Variants in DLEC1 observed in about 807,000 individuals in gnomAD.
DLEC1 encodes deleted in lung and esophageal cancer protein 1.
Under a neutral mutation model 198.1 loss-of-function variants are expected in DLEC1, and 146 were observed. The observed-to-expected ratio is 0.74, with a 90% CI of 0.64 to 0.85. The LOEUF is 0.85. Ranked by LOEUF, DLEC1 falls within the 40% of genes least tolerant of loss-of-function variation. The pLI is 0.00. For synonymous variants in DLEC1, 897 were observed against 866.8 expected, an observed-to-expected ratio of 1.03 and a Z score of -0.61; for missense variants, 2,233 against 2,220.0, an observed-to-expected ratio of 1.01 and a Z score of -0.12.
chr3:38,072,855 TA>T (rs1280371294), intron 6 of DLEC1, among the ~76,000 whole-genome samples: 1 of 152,084 alleles, frequency 6.6e-6, no homozygotes, highest in African/African-American at 2.4e-5. Flanking sequence ...AGATACCTGA[TA>T]TCCTTTGGAG....
chr3:38,121,916 A>C (rs1307880016), intron 35 of DLEC1, 135 bp downstream of exon 35: 28 of 1,506,998 alleles, frequency 1.9e-5, no homozygotes, highest in Non-Finnish European at 2.5e-5. Flanking sequence ...ATTTCTGCAG[A>C]GCAGCCAGTC....
Position 38,122,294 on chromosome 3 carries a change from G to A in DLEC1, c.5150G>A (p.Ser1717Asn), listed in dbSNP as rs151322214. ...ALQVFFTARS[S>N]ELYESTMVVE... ...CCCCCACATGCTCCCCACAGGAGTA[G>A]TGAGCTGTACGAGTCCACGATGGTG... The change falls in exon 37 of 37, where the codon AGT becomes AAT. Residue 1717 changes from serine to asparagine, a missense_variant. Coordinates refer to ENST00000308059, the MANE Select transcript of DLEC1 (RefSeq NM_007335.4). The A allele has an allele frequency of 4.1e-3, 6,689 of 1,612,412 alleles. 26 individuals are homozygous for A. Among genetic ancestry groups the A allele is most frequent in the Non-Finnish European group, 5.3e-3 (6,278 of 1,178,886 alleles).
intron 6 of DLEC1, among the ~76,000 whole-genome samples, chr3:38,066,252 G>T (rs1448930965): frequency 6.6e-6 from 1 of 152,138 alleles, no homozygotes; most frequent in Non-Finnish European, 1.5e-5. Flanking sequence ...CTATTGTCCA[G>T]ATCCATTTTT....
chr3:38,102,003 G>C (rs976924528), intron 19 of DLEC1, among the ~76,000 whole-genome samples: 2 of 152,194 alleles, frequency 1.3e-5, no homozygotes, highest in Non-Finnish European at 2.9e-5. Flanking sequence ...AAAAGAGGAA[G>C]CATTGGCTCA....
intron 6 of DLEC1, among the ~76,000 whole-genome samples, chr3:38,076,878 G>T (rs989888842): frequency 6.6e-6 from 1 of 152,218 alleles, no homozygotes; most frequent in Non-Finnish European, 1.5e-5. Flanking sequence ...TAGGGGCAGC[G>T]TGGGAACCTA....
intron 19 of DLEC1, among the ~76,000 whole-genome samples, chr3:38,101,556 A>G (rs1699307228): frequency 6.6e-6 from 1 of 152,092 alleles, no homozygotes; most frequent in Non-Finnish European, 1.5e-5. Context: ...TTTTGCATAT[A>G]TTTGGTGTTT....
In DLEC1 at chr3:38,122,157, C is replaced by G. The variant is rs374490937; in HGVS notation, c.5107C>G (p.Pro1703Ala). 283 of 1,614,134 alleles carry G rather than the reference C, an allele frequency of 1.8e-4. 1 individual carries two copies. The highest frequency in any genetic ancestry group is 2.2e-4 in the Non-Finnish European group (261 of 1,179,986). The change falls in exon 36 of 37, where the codon CCA (proline) becomes GCA (alanine). Residue 1703 changes from proline (P) to alanine (A), a missense_variant. By Grantham distance (27) the Pro-to-Ala change is conservative. Coordinates refer to ENST00000308059, the MANE Select transcript of DLEC1 (RefSeq NM_007335.4). ...LLEARSANAP[P>A]TSIALQVFFT... ...AGAAGCACGATCCGCCAATGCACCCCCAACCTCCATCGCCTTGCAGGTTTT... is the reference window on the plus strand; with the variant it reads ...AGAAGCACGATCCGCCAATGCACCCGCAACCTCCATCGCCTTGCAGGTTTT...
At position 38,122,285 on chromosome 3, in the gene DLEC1, A is replaced by C. The variant is rs747808358; in HGVS notation, c.5145-4A>C. The C allele has an allele frequency of 6.2e-7, 1 of 1,610,584 alleles. No homozygotes were observed. ...TAACCTCAGCCCCCACATGCTCCCC[A>C]CAGGAGTAGTGAGCTGTACGAGTCC... is the stretch of plus-strand genomic sequence containing the variant. On this transcript the variant is annotated splice_region_variant and splice_polypyrimidine_tract_variant and intron_variant, in intron 36 of 36. Coordinates refer to ENST00000308059, the MANE Select transcript of DLEC1 (RefSeq NM_007335.4).
intron 21 of DLEC1, 94 bp from the exon 22 acceptor site, chr3:38,109,338 G>T (rs929057583): frequency 2.0e-6 from 3 of 1,536,084 alleles, no homozygotes; most frequent in Non-Finnish European, 2.6e-6. Flanking sequence ...AGAGGTCAAG[G>T]CTCCACAGCA....
chr3:38,120,492 G>A lies in DLEC1; in HGVS notation c.4749G>A (p.Gln1583=). 1.9e-6 allele frequency: 3 copies of A among 1,614,242 alleles called. No homozygotes were observed. The highest frequency in any genetic ancestry group is 2.5e-6 in the Non-Finnish European group (3 of 1,180,036). Residue 1583 remains glutamine (Q), a synonymous_variant, in exon 34 of 37, where the codon CAG becomes CAA. Coordinates refer to ENST00000308059, the MANE Select transcript of DLEC1 (RefSeq NM_007335.4). ...FSLSLELLSY[Q]KLPADQTLPG... Reference sequence around the variant, plus strand: ...TCTCCCTGGAGCTGCTCTCCTATCAGAAGCTCCCAGCTGACCAGACACTGC... The same window carrying A: ...TCTCCCTGGAGCTGCTCTCCTATCAAAAGCTCCCAGCTGACCAGACACTGC...
rs563446786 is a variant in DLEC1, at chr3:38,041,268, T to C, written c.411+1632T>C. Among the ~76,000 whole-genome samples, 16 of 151,954 alleles carry C rather than the reference T, an allele frequency of 1.1e-4. No homozygotes were observed. The South Asian group carries it at 3.1e-3, about 30-fold the overall frequency. ...CTGCCCACCTTGGCCTCCCAAAGTGTTGGGATTACAGGCATGAGCCACCAC... is the reference window on the plus strand; with the variant it reads ...CTGCCCACCTTGGCCTCCCAAAGTGCTGGGATTACAGGCATGAGCCACCAC... On this transcript the variant is annotated intron_variant, in intron 1 of 36. Coordinates refer to ENST00000308059, the MANE Select transcript of DLEC1 (RefSeq NM_007335.4).
chr3:38,097,791 C>T lies in DLEC1; in HGVS notation c.2613C>T (p.Leu871=), dbSNP rs190082830. ...INVSALQFGL[L]RLGQKATNSI... is the part of the protein sequence containing the mutation. ...TCTCAGCCCTTCAGTTTGGTCTGCT[C>T]CGCCTGGGGCAGAAAGCCACAAACT... Residue 871 remains leucine (L), a synonymous_variant, in exon 18 of 37, where the codon CTC becomes CTT. Coordinates refer to ENST00000308059, the MANE Select transcript of DLEC1 (RefSeq NM_007335.4). 8.0e-3 allele frequency: 12,844 copies of T among 1,614,150 alleles called. 68 individuals carry two copies. The highest frequency in any genetic ancestry group is 0.01 in the Non-Finnish European group (11,851 of 1,180,020).
At chr3:38,118,105 A>C in intron 33 of DLEC1, 81 bp downstream of exon 33, 6 of 1,471,840 alleles carry the variant, frequency 4.1e-6, no homozygotes, top group Non-Finnish European at 5.5e-6. Context: ...CGCCACCCTC[A>C]GGTGCTTGTA....
chr3:38,091,899 G>A (rs1264641999), intron 10 of DLEC1, among the ~76,000 whole-genome samples: 3 of 152,320 alleles, frequency 2.0e-5, no homozygotes, highest in Non-Finnish European at 4.4e-5. Context: ...GCCCGCTGTT[G>A]ATGGGAATGT....
intron 3 of DLEC1, among the ~76,000 whole-genome samples, chr3:38,061,511 A>G (rs1696685540): frequency 6.6e-6 from 1 of 152,144 alleles, no homozygotes; most frequent in Non-Finnish European, 1.5e-5. Context: ...AACAGTGTAA[A>G]AAGCTCATAC....
intron 2 of DLEC1, among the ~76,000 whole-genome samples, chr3:38,050,099 C>T (rs539317916): frequency 6.6e-6 from 1 of 151,420 alleles, no homozygotes; most frequent in Non-Finnish European, 1.5e-5. Flanking sequence ...GACAGGGTCT[C>T]GCTTCATCAC....
rs182227149 is a variant in DLEC1, at chr3:38,084,061, C to A, written c.1174-97C>A. 515 of 1,233,160 alleles carry A rather than the reference C, an allele frequency of 4.2e-4. 4 individuals carry two copies. The highest frequency in any genetic ancestry group is 3.2e-3 in the East Asian group (127 of 39,576). The allele number at this position is 1,233,160 out of a possible 1,614,324, so 76.4% of individuals were successfully genotyped here. On this transcript the variant is annotated intron_variant, in intron 6 of 36. Transcript: ENST00000308059. Reference sequence around the variant, plus strand: ...TGTGGCCAAGCCTATTTCATTTCTACCTCTACCCCCTTCTCATATTAGAGT... The same window carrying A: ...TGTGGCCAAGCCTATTTCATTTCTAACTCTACCCCCTTCTCATATTAGAGT...
intron 24 of DLEC1, 58 bp downstream of exon 24, chr3:38,111,805 C>T (rs936671482): frequency 3.7e-5 from 58 of 1,573,328 alleles, no homozygotes; most frequent in Non-Finnish European, 4.9e-5. Context: ...CCACAGCCTT[C>T]TGTGGATGTG....
intron 2 of DLEC1, among the ~76,000 whole-genome samples, chr3:38,047,715 T>C (rs1478784308): frequency 2.6e-5 from 4 of 152,084 alleles, no homozygotes; most frequent in African/African-American, 9.7e-5. Context: ...GGTGATGCTG[T>C]GTGTTTCCCT....
Sources: gnomAD v4.1 joint callset for allele counts (sites outside exome capture counted in the v4.1 genomes callset) on GRCh38, gnomAD v4.1.1 for gene constraint, MANE v1.5 for transcripts, NCBI Gene and HGNC (gene_info 2026-07-23, HGNC 2026-07-21) for gene names.